ACACB: variants seen among roughly 807,000 people sequenced by gnomAD.
ACACB encodes acetyl-CoA carboxylase beta.
ACACB carries 209 observed loss-of-function variants against 278.8 expected under a neutral mutation model. The ratio of observed to expected loss-of-function variants is 0.75; its 90% CI spans 0.67 to 0.84. The LOEUF is 0.84. ACACB is among the 40% of genes least tolerant of loss of function. The probability of loss-of-function intolerance (pLI) is 0.00; values close to 1 mark genes in which losing one functional copy is unlikely to be tolerated. For missense variants in ACACB, 2,850 were observed against 3,269.0 expected (o/e 0.87, Z 3.13); for synonymous variants, 1,174 against 1,285.6 (o/e 0.91, Z 1.86).
intron 2 of ACACB, among the ~76,000 whole-genome samples, chr12:109,156,716 C>T (rs1027202535): frequency 1.3e-5 from 2 of 151,806 alleles, no homozygotes; most frequent in African/African-American, 4.8e-5. Context: ...CATTCATGCA[C>T]ACCTCCCATG....
chr12:109,267,111 CT>C lies in ACACB; in HGVS notation c.*751del. The stretch of plus-strand genomic sequence containing the variant: ...GGTCAGGCTGGTCTCAAACTCTTGA[CT>C]TCAGGTAATCCACCCACCTTGGCCT... On this transcript the variant is annotated 3_prime_UTR_variant, in exon 53 of 53. Coordinates refer to ENST00000338432, the MANE Select transcript of ACACB (RefSeq NM_001093.4). 6.6e-6 allele frequency: 1 copy of C among 152,164 alleles called. No individual in the cohort carries two copies. Among genetic ancestry groups the C allele is most frequent in the Middle Eastern group, 3.4e-3 (1 of 294 alleles). 9.4% of individuals were successfully genotyped at this position (152,164 alleles called of 1,614,324 possible).
At chr12:109,188,741 A>G (rs556372031) in intron 13 of ACACB, among the ~76,000 whole-genome samples, 1 of 152,280 alleles carries the variant, frequency 6.6e-6, no homozygotes, top group African/African-American at 2.4e-5. Flanking sequence ...AAAGTAAAAT[A>G]AGTGCACCAA....
At chr12:109,171,090 G>A (rs897405472) in intron 4 of ACACB, among the ~76,000 whole-genome samples, 2 of 139,980 alleles carry the variant, frequency 1.4e-5, no homozygotes, top group Admixed American at 1.5e-4. Flanking sequence ...TTGGCCTCAA[G>A]TGATCCTCCT....
chr12:109,245,071 T>A (rs1425716396), intron 37 of ACACB, among the ~76,000 whole-genome samples: 1 of 150,488 alleles, frequency 6.6e-6, no homozygotes, highest in Non-Finnish European at 1.5e-5. Flanking sequence ...TGGTGGTGCC[T>A]CAACCCGGGA....
At chr12:109,185,333 G>A (rs921699031) in intron 11 of ACACB, among the ~76,000 whole-genome samples, 11 of 152,188 alleles carry the variant, frequency 7.2e-5, no homozygotes, top group African/African-American at 2.7e-4. Context: ...GTTGTGTGAT[G>A]TTGTTTCATA....
chr12:109,182,045 G>A (rs538546526), intron 11 of ACACB, among the ~76,000 whole-genome samples: 13 of 151,862 alleles, frequency 8.6e-5, no homozygotes, highest in Admixed American at 3.3e-4. Flanking sequence ...GGGTTTCACC[G>A]TGTTAGCCAG....
At chr12:109,255,645 C>T (rs2047206519) in intron 44 of ACACB, among the ~76,000 whole-genome samples, 2 of 152,248 alleles carry the variant, frequency 1.3e-5, no homozygotes, top group African/African-American at 4.8e-5. Flanking sequence ...ATTTCTTCCC[C>T]ACCAATGGCT....
intron 1 of ACACB, among the ~76,000 whole-genome samples, chr12:109,134,324 A>G (rs2042917451): frequency 6.6e-6 from 1 of 152,178 alleles, no homozygotes; most frequent in Non-Finnish European, 1.5e-5. Context: ...CCGAATTTCT[A>G]AAGCATTTGG....
At position 109,241,191 on chromosome 12, in the gene ACACB, C is replaced by A. The variant is rs200094174; in HGVS notation, c.4932C>A (p.Ala1644=). ...TCCGCCAGACCACCACCGGCAGTGC[C>A]GTTCCCATCCGCCTGTTCATCACCA... ...INIRQTTTGS[A]VPIRLFITNE... The change falls in exon 36 of 53, where the codon GCC becomes GCA. Residue 1644 remains alanine, a synonymous_variant. Coordinates refer to ENST00000338432, the MANE Select transcript of ACACB (RefSeq NM_001093.4). 6.2e-7 allele frequency: 1 copy of A among 1,614,076 alleles called. No homozygotes were observed. The highest frequency in any genetic ancestry group is 1.3e-5 in the African/African-American group (1 of 74,924).
chr12:109,258,251 T>G lies in ACACB; in HGVS notation c.6264-17T>G, dbSNP rs1365281855. 1.2e-6 allele frequency: 2 copies of G among 1,606,642 alleles called. No homozygotes were observed. The highest frequency in any genetic ancestry group is 3.4e-5 in the Admixed American group (2 of 58,982). On this transcript the variant is annotated splice_polypyrimidine_tract_variant and intron_variant, in intron 45 of 52. Coordinates refer to ENST00000338432, the MANE Select transcript of ACACB (RefSeq NM_001093.4). ...GGGTGCTGCCCAGGGCCTGGCTCAC[T>G]GGTGCTCATTTTCCAGGCTTGGGGG...
chr12:109,259,073 T>A lies in ACACB; in HGVS notation c.6461T>A (p.Phe2154Tyr). Reference sequence around the variant, plus strand: ...CGGGAGAAGTTGCCCCTGATGATCTTTGCCAACTGGAGGGGGTTCTCCGGT... The same window carrying A: ...CGGGAGAAGTTGCCCCTGATGATCTATGCCAACTGGAGGGGGTTCTCCGGT... Reference protein sequence around the residue: ...FNREKLPLMIFANWRGFSGGM... With the variant: ...FNREKLPLMIYANWRGFSGGM... The change falls in exon 47 of 53, where the codon TTT becomes TAT. Residue 2154 changes from phenylalanine to tyrosine, a missense_variant. By Grantham distance (22) the Phe-to-Tyr change is conservative (BLOSUM62 3). This residue lies in a region of ACACB where 579 missense variants were observed against 684.6 expected (regional missense o/e 0.85). Coordinates refer to ENST00000338432, the MANE Select transcript of ACACB (RefSeq NM_001093.4). The A allele has an allele frequency of 6.2e-7, 1 of 1,614,018 alleles. No homozygotes were observed. Among genetic ancestry groups the A allele is most frequent in the Non-Finnish European group, 8.5e-7 (1 of 1,179,996 alleles).
At chr12:109,142,066 A>G (rs970743144) in intron 2 of ACACB, among the ~76,000 whole-genome samples, 1 of 151,556 alleles carries the variant, frequency 6.6e-6, no homozygotes, top group Non-Finnish European at 1.5e-5. Context: ...TGGGCAATAT[A>G]GTGAGACCTC....
intron 33 of ACACB, 68 bp from the exon 34 acceptor site, chr12:109,237,097 C>A: frequency 3.9e-6 from 6 of 1,524,524 alleles, no homozygotes; most frequent in Middle Eastern, 1.9e-4. Context: ...GTGGACCAAG[C>A]AGGGACGCAG....
At chr12:109,126,873 G>A (rs1416924837) in intron 1 of ACACB, among the ~76,000 whole-genome samples, 1 of 152,142 alleles carries the variant, frequency 6.6e-6, no homozygotes, top group Non-Finnish European at 1.5e-5. Context: ...AAGCTGAAAT[G>A]TACAGGCTTC....
chr12:109,211,413 C>G (rs1041510967), intron 21 of ACACB, among the ~76,000 whole-genome samples: 2 of 145,784 alleles, frequency 1.4e-5, no homozygotes, highest in African/African-American at 5.1e-5. Flanking sequence ...CCATTCCCAG[C>G]TATTTTTTTG....
chr12:109,226,563 G>T (rs2046318438), intron 27 of ACACB, among the ~76,000 whole-genome samples: 1 of 152,012 alleles, frequency 6.6e-6, no homozygotes, highest in South Asian at 2.1e-4. Flanking sequence ...GCCAGGCATG[G>T]TGGTGCATGC....
rs368094089 is a variant in ACACB, at chr12:109,260,650, G to C, written c.6667G>C (p.Glu2223Gln). The change falls in exon 48 of 53, where the codon GAG (glutamate) becomes CAG (glutamine). Residue 2223 changes from glutamate (E) to glutamine (Q), a missense_variant. Coordinates refer to ENST00000338432, the MANE Select transcript of ACACB (RefSeq NM_001093.4). Reference protein sequence around the residue: ...PLCIEMYADKESRGGVLEPEG... With the variant: ...PLCIEMYADKQSRGGVLEPEG... ...GTGCATAGAAATGTATGCAGACAAA[G>C]AGAGCAGGTGGGTGTGTTGCCCTTA... 103 of 1,570,612 alleles carry C rather than the reference G, an allele frequency of 6.6e-5. No individual in the cohort carries two copies. The highest frequency in any genetic ancestry group is 8.5e-5 in the Non-Finnish European group (99 of 1,158,958).
intron 44 of ACACB, among the ~76,000 whole-genome samples, chr12:109,255,443 C>T (rs1215293692): frequency 6.6e-6 from 1 of 152,180 alleles, no homozygotes; most frequent in Non-Finnish European, 1.5e-5. Flanking sequence ...CCTGTAAACA[C>T]TGAGGGGGCT....
chr12:109,207,219 G>C (rs995499482), intron 20 of ACACB, among the ~76,000 whole-genome samples: 2 of 152,216 alleles, frequency 1.3e-5, no homozygotes, highest in Non-Finnish European at 1.5e-5. Context: ...GCCTCCCAAA[G>C]TGCTGGGATT....
Sources: gnomAD v4.1 joint callset for allele counts (sites outside exome capture counted in the v4.1 genomes callset) on GRCh38, gnomAD v4.1.1 for gene constraint, gnomAD v4.1.1 regional missense constraint, MANE v1.5 for transcripts, NCBI Gene and HGNC (gene_info 2026-07-23, HGNC 2026-07-21) for gene names.